MACROD2: variants seen among roughly 807,000 people sequenced by gnomAD.
The protein encoded by MACROD2 is ADP-ribose glycohydrolase MACROD2.
In MACROD2, 36 loss-of-function variants were observed where a neutral mutation model predicts 70.4. That is an observed-to-expected ratio of 0.51 (90% CI 0.39 to 0.68). The LOEUF (loss-of-function observed/expected upper bound fraction) is 0.68, where lower values mean the gene tolerates loss of function less well. MACROD2 is among the 30% of genes least tolerant of loss of function. The pLI, the probability that MACROD2 is intolerant of heterozygous loss-of-function variation, is 0.00. For synonymous variants in MACROD2, 172 were observed against 178.8 expected, an observed-to-expected ratio of 0.96 and a Z score of 0.30; for missense variants, 496 against 538.4, an observed-to-expected ratio of 0.92 and a Z score of 0.78.
intron 5 of MACROD2, among the ~76,000 whole-genome samples, chr20:15,080,110 A>G (rs1215926027): frequency 1.4e-5 from 2 of 140,498 alleles, no homozygotes; most frequent in Non-Finnish European, 3.0e-5. Context: ...TCAAAACAGA[A>G]CAGCCAAATA....
In MACROD2 at chr20:15,711,457, G is replaced by T. The variant is rs190467354; in HGVS notation, c.646-151288G>T. ...CAGACTAACCAAGCCTTAACTGTCA[G>T]GTTAGCCATTCTCATTTCTCCCTGC... On this transcript the variant is annotated intron_variant, in intron 8 of 17. Transcript: ENST00000684519. Among the ~76,000 whole-genome samples the T allele has an allele frequency of 4.0e-3, 611 of 152,298 alleles. 2 individuals are homozygous for T. Among genetic ancestry groups the T allele is most frequent in the Non-Finnish European group, 6.3e-3 (428 of 68,022 alleles).
chr20:14,760,589 A>G (rs559136026), intron 5 of MACROD2, among the ~76,000 whole-genome samples: 3 of 152,064 alleles, frequency 2.0e-5, no homozygotes, highest in Non-Finnish European at 4.4e-5. Flanking sequence ...ACTCTGCCCC[A>G]GCTCCATTTA....
chr20:15,836,604 A>G (rs1045971196), intron 8 of MACROD2, among the ~76,000 whole-genome samples: 2 of 152,182 alleles, frequency 1.3e-5, no homozygotes, highest in African/African-American at 4.8e-5. Context: ...TAATTTCTGT[A>G]ATTTTATTAT....
intron 5 of MACROD2, among the ~76,000 whole-genome samples, chr20:14,990,807 C>A (rs1171072273): frequency 1.3e-5 from 2 of 152,066 alleles, no homozygotes; most frequent in African/African-American, 4.8e-5. Flanking sequence ...CCACCACGCC[C>A]GGCTGAGAAC....
At chr20:15,989,179 A>T (rs923403419) in intron 15 of MACROD2, among the ~76,000 whole-genome samples, 1 of 152,222 alleles carries the variant, frequency 6.6e-6, no homozygotes, top group African/African-American at 2.4e-5. Context: ...TGATACATTG[A>T]TGACAAAGTC....
intron 4 of MACROD2, among the ~76,000 whole-genome samples, chr20:14,627,351 T>A (rs1984239490): frequency 1.3e-5 from 2 of 152,188 alleles, no homozygotes; most frequent in Admixed American, 1.3e-4. Context: ...CTGCATCTAA[T>A]GACTGGGCGA....
intron 2 of MACROD2, among the ~76,000 whole-genome samples, chr20:14,036,725 G>GCAATCTTGGCTCACTGCCA (rs2053315962): frequency 6.6e-6 from 1 of 152,042 alleles, no homozygotes. Flanking sequence ...GTGCCCTGCC[G>GCAATCTTGGCTCACTGCCA]CAATCTTGGC....
chr20:14,144,215 CA>C (rs1490088977), intron 3 of MACROD2, among the ~76,000 whole-genome samples: 1 of 151,970 alleles, frequency 6.6e-6, no homozygotes, highest in Non-Finnish European at 1.5e-5. Flanking sequence ...TAAAGAAAAG[CA>C]AAAACTTTGA....
chr20:15,097,278 A>C (rs532799997), intron 5 of MACROD2, among the ~76,000 whole-genome samples: 1 of 152,170 alleles, frequency 6.6e-6, no homozygotes, highest in Admixed American at 6.5e-5. Context: ...GCATTGTACT[A>C]TTTGTTTCTG....
At chr20:15,491,064 G>A (rs2047225564) in intron 7 of MACROD2, among the ~76,000 whole-genome samples, 1 of 152,158 alleles carries the variant, frequency 6.6e-6, no homozygotes, top group Non-Finnish European at 1.5e-5. Context: ...ATGCTACTAA[G>A]TAGAGTGACT....
intron 2 of MACROD2, among the ~76,000 whole-genome samples, chr20:14,050,686 C>T (rs1173602104): frequency 6.6e-6 from 1 of 152,118 alleles, no homozygotes; most frequent in Non-Finnish European, 1.5e-5. Flanking sequence ...ATAATAACCT[C>T]AGAGAGATTT....
intron 4 of MACROD2, among the ~76,000 whole-genome samples, chr20:14,540,662 A>C (rs113405747): frequency 1.3e-5 from 2 of 152,182 alleles, no homozygotes; most frequent in African/African-American, 4.8e-5. Flanking sequence ...AAAGACAGGG[A>C]TGTTGCTGGG....
chr20:15,749,783 GGGAAT>G (rs2051240185), intron 8 of MACROD2, among the ~76,000 whole-genome samples: 1 of 151,968 alleles, frequency 6.6e-6, no homozygotes, highest in Admixed American at 6.6e-5. Flanking sequence ...TAACAGTCCT[GGGAAT>G]ACTGACTATC....
At chr20:14,394,152 G>A (rs1276535031) in intron 3 of MACROD2, among the ~76,000 whole-genome samples, 3 of 152,098 alleles carry the variant, frequency 2.0e-5, no homozygotes, top group African/African-American at 7.2e-5. Context: ...TAGTATACAT[G>A]GAATCAGTTT....
chr20:15,830,241 T>G, intron 8 of MACROD2, among the ~76,000 whole-genome samples: 1 of 152,098 alleles, frequency 6.6e-6, no homozygotes, highest in African/African-American at 2.4e-5. Flanking sequence ...GGTAACCCAG[T>G]TGGAAATAGA....
chr20:14,979,743 A>G (rs193167234), intron 5 of MACROD2, among the ~76,000 whole-genome samples: 2 of 152,308 alleles, frequency 1.3e-5, no homozygotes, highest in East Asian at 3.9e-4. Context: ...AGTTGTTTCT[A>G]TCCTTTGTTG....
At chr20:15,247,650 C>T (rs942778218) in intron 6 of MACROD2, among the ~76,000 whole-genome samples, 1 of 151,974 alleles carries the variant, frequency 6.6e-6, no homozygotes, top group Non-Finnish European at 1.5e-5. Context: ...CATTACTCTG[C>T]AGCACCCTGC....
intron 5 of MACROD2, among the ~76,000 whole-genome samples, chr20:15,073,645 A>G (rs556139881): frequency 1.3e-5 from 2 of 152,334 alleles, no homozygotes; most frequent in South Asian, 4.1e-4. Context: ...CATCTCATGT[A>G]TAAGTTTCAT....
chr20:15,317,482 A>AATCTATCT (rs57469228), intron 6 of MACROD2, among the ~76,000 whole-genome samples: 10,593 of 145,752 alleles, frequency 0.073, 443 homozygotes, highest in Middle Eastern at 0.099. Context: ...CCATCCATCT[A>AATCTATCT]ATCTATCTAT....
Sources: allele counts gnomAD v4.1 joint callset (sites outside exome capture counted in the v4.1 genomes callset), GRCh38; gene constraint gnomAD v4.1.1; transcripts MANE v1.5; gene names NCBI Gene and HGNC (gene_info 2026-07-23, HGNC 2026-07-21).